The following MAP3K5 variants were observed in gnomAD, a reference collection of about 807,000 sequenced individuals.
MAP3K5 encodes the protein mitogen-activated protein kinase kinase kinase 5.
In MAP3K5, 56 loss-of-function variants were observed where a neutral mutation model predicts 158.7. The observed-to-expected ratio is 0.35, with a 90% CI of 0.28 to 0.44. MAP3K5 has a LOEUF of 0.44. MAP3K5 is among the 20% of genes least tolerant of loss of function. MAP3K5 has a pLI of 1.00. For synonymous variants in MAP3K5, 579 were observed against 601.7 expected, an observed-to-expected ratio of 0.96 and a Z score of 0.55; for missense variants, 1,294 against 1,674.8, an observed-to-expected ratio of 0.77 and a Z score of 3.97.
chr6:136,674,717 C>T (rs947408314), intron 7 of MAP3K5, among the ~76,000 whole-genome samples: 1 of 151,746 alleles, frequency 6.6e-6, no homozygotes. Context: ...TTTAAAAAGG[C>T]ACACTGTAAA....
chr6:136,678,608 ACAT>A (rs1779802270), intron 7 of MAP3K5, among the ~76,000 whole-genome samples: 2 of 152,222 alleles, frequency 1.3e-5, no homozygotes, highest in Non-Finnish European at 2.9e-5. Flanking sequence ...AGAGAACTAT[ACAT>A]TTACATATTA....
At chr6:136,607,334 T>C (rs928683055) in intron 18 of MAP3K5, among the ~76,000 whole-genome samples, 2 of 152,016 alleles carry the variant, frequency 1.3e-5, no homozygotes, top group Non-Finnish European at 1.5e-5. Flanking sequence ...ATTCAAGTAA[T>C]GTCAACAACA....
At chr6:136,571,234 T>G (rs1334920730) in intron 25 of MAP3K5, among the ~76,000 whole-genome samples, 3 of 152,206 alleles carry the variant, frequency 2.0e-5, no homozygotes, top group African/African-American at 7.2e-5. Context: ...TGTCACTCAA[T>G]TAGATTCTAC....
intron 1 of MAP3K5, among the ~76,000 whole-genome samples, chr6:136,734,653 C>T (rs1389546813): frequency 1.3e-5 from 2 of 152,110 alleles, no homozygotes; most frequent in Non-Finnish European, 2.9e-5. Flanking sequence ...AAAGGCTGCT[C>T]ATGAATATAT....
At chr6:136,662,090 T>G (rs1417916230) in intron 8 of MAP3K5, among the ~76,000 whole-genome samples, 1 of 152,236 alleles carries the variant, frequency 6.6e-6, no homozygotes, top group Non-Finnish European at 1.5e-5. Context: ...ACACACAGCT[T>G]TGTGTATTTG....
At chr6:136,654,871 GT>G (rs1164515740) in intron 10 of MAP3K5, among the ~76,000 whole-genome samples, 1 of 151,822 alleles carries the variant, frequency 6.6e-6, no homozygotes, top group Non-Finnish European at 1.5e-5. Flanking sequence ...CATGTTCATG[GT>G]GTTTTTTTTT....
intron 24 of MAP3K5, among the ~76,000 whole-genome samples, 182 bp from the exon 25 acceptor site, chr6:136,580,588 G>A (rs1774826569): frequency 6.6e-6 from 1 of 152,182 alleles, no homozygotes; most frequent in Non-Finnish European, 1.5e-5. Context: ...TCAAAGTTTA[G>A]TGAGCCCCAT....
At chr6:136,566,971 T>A (rs1774140536) in intron 26 of MAP3K5, among the ~76,000 whole-genome samples, 1 of 152,218 alleles carries the variant, frequency 6.6e-6, no homozygotes, top group South Asian at 2.1e-4. Flanking sequence ...GTTTCCCACA[T>A]GTCAACTGTA....
chr6:136,764,677 A>C (rs1302117256), intron 1 of MAP3K5, among the ~76,000 whole-genome samples: 1 of 152,218 alleles, frequency 6.6e-6, no homozygotes, highest in Non-Finnish European at 1.5e-5. Context: ...CAGAAAAATG[A>C]AACGCAGACC....
chr6:136,792,316 C>T lies in MAP3K5; in HGVS notation c.-159G>A. 2 of 1,026,754 alleles carry T rather than the reference C, an allele frequency of 1.9e-6. No homozygotes were observed. Among genetic ancestry groups the T allele is most frequent in the Non-Finnish European group, 2.3e-6 (2 of 862,446 alleles). The allele number at this position is 1,026,754 out of a possible 1,614,324, so 63.6% of individuals were successfully genotyped here. On this transcript the variant is annotated 5_prime_UTR_variant, in exon 1 of 30. Transcript: ENST00000359015. This position sits in a 1 kb window ranked among gnomAD's most constrained non-coding sequence, Gnocchi z 5.7. ...CGCCGCCTCCTCTCCGGCGCCCTCT[C>T]CCCCGAGGGCACGCCGCTGCCCGGC...
chr6:136,600,150 C>T (rs567831241), intron 21 of MAP3K5, among the ~76,000 whole-genome samples: 55 of 151,792 alleles, frequency 3.6e-4, no homozygotes, highest in African/African-American at 1.2e-3. Flanking sequence ...TGATCAACCA[C>T]ACATCCAACT....
chr6:136,691,757 C>G (rs1780397957), intron 7 of MAP3K5, among the ~76,000 whole-genome samples: 1 of 152,008 alleles, frequency 6.6e-6, no homozygotes, highest in Non-Finnish European at 1.5e-5. Context: ...GTATTGTGTC[C>G]TATCTGCTGT....
Position 136,656,468 on chromosome 6 carries a change from G to C in MAP3K5, c.1527-8C>G. Reference sequence around the variant, plus strand: ...ACAATAGACTTGAGGTACCTGAGAAGGAAAAGATATAAAACATGTAACAGA... The same window carrying C: ...ACAATAGACTTGAGGTACCTGAGAACGAAAAGATATAAAACATGTAACAGA... On this transcript the variant is annotated splice_region_variant and splice_polypyrimidine_tract_variant and intron_variant, in intron 9 of 29. Transcript: ENST00000359015. The C allele has an allele frequency of 6.5e-7, 1 of 1,544,228 alleles. No homozygotes were observed. The highest frequency in any genetic ancestry group is 8.7e-7 in the Non-Finnish European group (1 of 1,143,988).
At chr6:136,671,195 A>T (rs1311011684) in intron 7 of MAP3K5, among the ~76,000 whole-genome samples, 3 of 152,210 alleles carry the variant, frequency 2.0e-5, no homozygotes, top group Non-Finnish European at 4.4e-5. Context: ...TAAAGATATG[A>T]AAAGGAAGAT....
At chr6:136,677,332 T>A (rs1239961400) in intron 7 of MAP3K5, among the ~76,000 whole-genome samples, 4 of 151,862 alleles carry the variant, frequency 2.6e-5, no homozygotes, top group Non-Finnish European at 5.9e-5. Flanking sequence ...AGAGACAGGG[T>A]TTCACCGTGT....
intron 1 of MAP3K5, among the ~76,000 whole-genome samples, chr6:136,759,255 CTAAG>C (rs1188395588): frequency 1.3e-5 from 2 of 151,698 alleles, no homozygotes; most frequent in Non-Finnish European, 2.9e-5. Context: ...TATTTATTGA[CTAAG>C]TATTATGTGC....
intron 11 of MAP3K5, among the ~76,000 whole-genome samples, chr6:136,646,793 T>G (rs893311600): frequency 2.6e-5 from 4 of 152,250 alleles, no homozygotes; most frequent in African/African-American, 9.6e-5. Flanking sequence ...ATATAAATAT[T>G]GCACTGCACT....
At chr6:136,692,067 T>C (rs1430481301) in intron 7 of MAP3K5, among the ~76,000 whole-genome samples, 4 of 151,274 alleles carry the variant, frequency 2.6e-5, no homozygotes, top group African/African-American at 9.8e-5. Flanking sequence ...TCTTTCTTTT[T>C]TTTCTTTTTT....
At chr6:136,765,482 T>G (rs1582665676) in intron 1 of MAP3K5, among the ~76,000 whole-genome samples, 2 of 151,658 alleles carry the variant, frequency 1.3e-5, no homozygotes, top group Non-Finnish European at 2.9e-5. Flanking sequence ...ATTTATGTAT[T>G]TATTTTTTAT....
Sources: allele counts gnomAD v4.1 joint callset (sites outside exome capture counted in the v4.1 genomes callset), GRCh38; gene constraint gnomAD v4.1.1; non-coding constraint Gnocchi (gnomAD v3.1); transcripts MANE v1.5; gene names NCBI Gene and HGNC (gene_info 2026-07-23, HGNC 2026-07-21).